CALML4: variants seen among roughly 807,000 people sequenced by gnomAD.
CALML4 encodes calmodulin-like protein 4.
CALML4 carries 16 observed loss-of-function variants against 17.9 expected under a neutral mutation model. The ratio of observed to expected loss-of-function variants is 0.89; its 90% confidence interval spans 0.61 to 1.36. CALML4 has a LOEUF of 1.36. Among genes scored for constraint, CALML4 ranks in the 40% most tolerant of loss-of-function variants. The pLI is 0.00. For missense variants in CALML4, 203 were observed against 194.8 expected, an observed-to-expected ratio of 1.04 and a Z score of -0.25; for synonymous variants, 86 against 71.5, an observed-to-expected ratio of 1.20 and a Z score of -1.02.
intron 2 of CALML4, among the ~76,000 whole-genome samples, chr15:68,203,109 C>T (rs895999237): frequency 6.6e-6 from 1 of 152,028 alleles, no homozygotes; most frequent in African/African-American, 2.4e-5. Flanking sequence ...GCCAACTGCA[C>T]CTGGCCAGTT....
chr15:68,194,632 C>CCTGT (rs2093135282), intron 4 of CALML4, among the ~76,000 whole-genome samples: 3 of 152,144 alleles, frequency 2.0e-5, no homozygotes, highest in Non-Finnish European at 4.4e-5. Flanking sequence ...GAGCCATCCA[C>CCTGT]CTCAGCCTCC....
intron 4 of CALML4, among the ~76,000 whole-genome samples, chr15:68,195,519 C>CTT (rs2093140540): frequency 6.6e-6 from 1 of 152,170 alleles, no homozygotes; most frequent in African/African-American, 2.4e-5. Flanking sequence ...AGGGACAGCA[C>CTT]TTAGCCAGGT....
rs2093147646 is a variant in CALML4, at chr15:68,197,120, TGAA to T, written c.364+317_364+319del. ...GCTCCCAGGGGTGTCATGCACTAGA[TGAA>T]GCCCCACAGTGAGAGCTTGAACACA... On this transcript the variant is annotated intron_variant, in intron 4 of 4. Coordinates refer to ENST00000467889, the MANE Select transcript of CALML4 (RefSeq NM_033429.3). This position sits in a 1 kb window ranked among gnomAD's most constrained non-coding sequence, Gnocchi z 4.1. Among the ~76,000 whole-genome samples the T allele has an allele frequency of 6.8e-6, 1 of 146,036 alleles. No individual in the cohort carries two copies. The highest frequency in any genetic ancestry group is 1.5e-5 in the Non-Finnish European group (1 of 65,546).
chr15:68,197,172 C>T lies in CALML4; in HGVS notation c.364+268G>A, dbSNP rs1348863415. 1.3e-5 allele frequency among the ~76,000 whole-genome samples: 2 copies of T among 152,254 alleles called. No homozygotes were observed. The highest frequency in any genetic ancestry group is 6.5e-5 in the Admixed American group (1 of 15,300). On this transcript the variant is annotated intron_variant, in intron 4 of 4. Transcript: ENST00000467889. This position sits in a 1 kb window ranked among gnomAD's most constrained non-coding sequence, Gnocchi z 4.1. ...CAGGGGGAGACCAGACTGCACGCTC[C>T]AGCTGCCCTGCCTTGTGGGTTCCGA...
In CALML4 at chr15:68,200,677, G is replaced by A. The variant is rs2093162692; in HGVS notation, c.35-996C>T. On this transcript the variant is annotated intron_variant, in intron 2 of 4. Coordinates refer to ENST00000467889, the MANE Select transcript of CALML4 (RefSeq NM_033429.3). This position sits in a 1 kb window ranked among gnomAD's most constrained non-coding sequence, Gnocchi z 4.3. ...GTGGGTGGAGCCGTGGAAACACAGTGGCCTGGCGCTGGCCCTCCCAGGCTG... is the reference window on the plus strand; with the variant it reads ...GTGGGTGGAGCCGTGGAAACACAGTAGCCTGGCGCTGGCCCTCCCAGGCTG... Among the ~76,000 whole-genome samples the A allele has an allele frequency of 6.6e-6, 1 of 152,054 alleles. No homozygotes were observed. The highest frequency in any genetic ancestry group is 1.5e-5 in the Non-Finnish European group (1 of 67,988).
At chr15:68,201,608 G>A (rs1435954127) in intron 2 of CALML4, among the ~76,000 whole-genome samples, 1 of 152,224 alleles carries the variant, frequency 6.6e-6, no homozygotes, top group African/African-American at 2.4e-5. Flanking sequence ...TGGATCTGCA[G>A]ATGGGGGCAC....
chr15:68,205,584 C>T, upstream of CALML4: 2 of 606,306 alleles, frequency 3.3e-6, no homozygotes, highest in South Asian at 4.0e-5. This position sits in a 1 kb window ranked among gnomAD's most constrained non-coding sequence, Gnocchi z 4.8. Flanking sequence ...GGGGTCTTCT[C>T]TCTCTCTCCT....
At chr15:68,194,661 G>A (rs1263331866) in intron 4 of CALML4, among the ~76,000 whole-genome samples, 6 of 152,132 alleles carry the variant, frequency 3.9e-5, no homozygotes, top group Non-Finnish European at 8.8e-5. Context: ...TGGGATTACA[G>A]GCATGAGCCA....
In CALML4 at chr15:68,197,575, T is replaced by C; in HGVS notation, c.229A>G (p.Ile77Val). ...TCTTTCTTTGGGTCTTCTTGTTTTA[T>C]TTGCATGTGCATAATGGTCAGAAAA... ...STFLTIMHMQ[I>V]KQEDPKKEIL... The change falls in exon 4 of 5, where the codon ATA (isoleucine) becomes GTA (valine). Residue 77 changes from isoleucine to valine, a missense_variant. Transcript: ENST00000467889. This position sits in a 1 kb window ranked among gnomAD's most constrained non-coding sequence, Gnocchi z 4.1. 6.2e-7 allele frequency: 1 copy of C among 1,614,184 alleles called. No individual in the cohort carries two copies. The highest frequency in any genetic ancestry group is 8.5e-7 in the Non-Finnish European group (1 of 1,180,044).
At chr15:68,205,389 C>A (rs371209739), upstream of CALML4, 112 of 1,613,372 alleles carry the variant, frequency 6.9e-5, no homozygotes, top group African/African-American at 1.3e-3. The surrounding 1 kb of genome is among the most constrained non-coding windows in gnomAD (Gnocchi z 4.8). Flanking sequence ...AGACTGGGCC[C>A]GACGCCACCA....
rs1405832255 is a variant in CALML4 at position 68,204,645 on chromosome 15, G to A, written c.34+476C>T. Among the ~76,000 whole-genome samples, 1 of 152,222 alleles carries A rather than the reference G, an allele frequency of 6.6e-6. No homozygotes were observed. The highest frequency in any genetic ancestry group is 2.4e-5 in the African/African-American group (1 of 41,458). ...AAGTGCTCACGCCCAAACCAGGCTT[G>A]ATGCCAGGGCAAAGGGGGCTCAGTG... On this transcript the variant is annotated intron_variant, in intron 2 of 4. Transcript: ENST00000467889. The surrounding 1 kb of genome is among the most constrained non-coding windows in gnomAD (Gnocchi z 6.0).
intron 4 of CALML4, among the ~76,000 whole-genome samples, chr15:68,194,881 C>T (rs959525580): frequency 1.3e-5 from 2 of 151,628 alleles, no homozygotes; most frequent in African/African-American, 4.9e-5. Flanking sequence ...CCACCTCTGC[C>T]CCCACCCCAA....
At position 68,204,951 on chromosome 15, in the gene CALML4, C is replaced by G. The variant is rs961934971; in HGVS notation, c.34+170G>C. On this transcript the variant is annotated intron_variant, in intron 2 of 4. Transcript: ENST00000467889. The surrounding 1 kb of genome is among the most constrained non-coding windows in gnomAD (Gnocchi z 6.0). The stretch of plus-strand genomic sequence containing the variant: ...GCCACATGTCTATTTTGGAGGCTTA[C>G]CCCCAACCCCCACCCCGCCAACAGC... Among the ~76,000 whole-genome samples, 11 of 152,080 alleles carry G rather than the reference C, an allele frequency of 7.2e-5. No individual in the cohort carries two copies. Among genetic ancestry groups the G allele is most frequent in the African/African-American group, 2.7e-4 (11 of 41,398 alleles).
At chr15:68,194,214 G>A (rs564022357) in intron 4 of CALML4, 102 bp from the exon 5 acceptor site, 70 of 799,896 alleles carry the variant, frequency 8.8e-5, no homozygotes, top group Non-Finnish European at 1.1e-4. Context: ...TTCCCTGAGC[G>A]TGCAGTTGAC....
Position 68,204,016 on chromosome 15 carries a change from T to C in CALML4, c.34+1105A>G, listed in dbSNP as rs1192759532. ...CTGGACTCCAGCCCTCAGTCCACCATTCATTATCACCGTTAGACCTGGACA... is the reference window on the plus strand; with the variant it reads ...CTGGACTCCAGCCCTCAGTCCACCACTCATTATCACCGTTAGACCTGGACA... On this transcript the variant is annotated intron_variant, in intron 2 of 4. Coordinates refer to ENST00000467889, the MANE Select transcript of CALML4 (RefSeq NM_033429.3). The surrounding 1 kb of genome is among the most constrained non-coding windows in gnomAD (Gnocchi z 6.0). Among the ~76,000 whole-genome samples the C allele has an allele frequency of 6.6e-6, 1 of 152,122 alleles. No individual in the cohort carries two copies. The highest frequency in any genetic ancestry group is 1.5e-5 in the Non-Finnish European group (1 of 68,018).
chr15:68,199,952 G>A (rs2093160111), intron 2 of CALML4: 1 of 269,408 alleles, frequency 3.7e-6, no homozygotes, highest in Non-Finnish European at 6.9e-6. Context: ...TTTGTTGTTT[G>A]TCTGAAATTC....
intron 2 of CALML4, among the ~76,000 whole-genome samples, chr15:68,203,686 T>C (rs2093172849): frequency 6.6e-6 from 1 of 152,194 alleles, no homozygotes; most frequent in Non-Finnish European, 1.5e-5. Flanking sequence ...TATTCCCCTC[T>C]GTCCGTGGCT....
At chr15:68,202,641 A>G (rs1340887297) in intron 2 of CALML4, among the ~76,000 whole-genome samples, 1 of 129,446 alleles carries the variant, frequency 7.7e-6, no homozygotes, top group Non-Finnish European at 1.6e-5. Flanking sequence ...GAGTTTTGCC[A>G]ACTTTTTTTT....
chr15:68,197,531 C>T lies in CALML4; in HGVS notation c.273G>A (p.Leu91=). The T allele has an allele frequency of 6.2e-7, 1 of 1,614,180 alleles. No homozygotes were observed. Among genetic ancestry groups the T allele is most frequent in the Non-Finnish European group, 8.5e-7 (1 of 1,180,042 alleles). The change falls in exon 4 of 5, where the codon TTG becomes TTA. Residue 91 remains leucine (L), a synonymous_variant. Coordinates refer to ENST00000467889, the MANE Select transcript of CALML4 (RefSeq NM_033429.3). The surrounding 1 kb of genome is among the most constrained non-coding windows in gnomAD (Gnocchi z 4.1). ...DPKKEILLAM[L]MVDKEKKGYV... ...AACCTTTCTTCTCCTTGTCCACCAT[C>T]AACATGGCTAGAAGAATTTCTTTCT...
Sources: allele counts gnomAD v4.1 joint callset (sites outside exome capture counted in the v4.1 genomes callset), GRCh38; gene constraint gnomAD v4.1.1; non-coding constraint Gnocchi (gnomAD v3.1); transcripts MANE v1.5; gene names NCBI Gene and HGNC (gene_info 2026-07-23, HGNC 2026-07-21).